The following TOGARAM1 variants were observed in gnomAD, a reference collection of about 807,000 sequenced individuals.
TOGARAM1 encodes the protein TOG array regulator of axonemal microtubules protein 1.
TOGARAM1 carries 100 observed loss-of-function variants against 166.6 expected under a neutral mutation model. The observed-to-expected ratio is 0.60, with a 90% CI of 0.51 to 0.71. The LOEUF is 0.71. Ranked by LOEUF, TOGARAM1 falls within the 30% of genes least tolerant of loss-of-function variation. The probability of loss-of-function intolerance (pLI) is 0.00; values close to 1 mark genes in which losing one functional copy is unlikely to be tolerated. For missense variants in TOGARAM1, 2,029 were observed against 2,102.7 expected, an observed-to-expected ratio of 0.96 and a Z score of 0.69; for synonymous variants, 758 against 763.8, an observed-to-expected ratio of 0.99 and a Z score of 0.13.
intron 3 of TOGARAM1, among the ~76,000 whole-genome samples, chr14:45,002,665 G>A (rs556129743): frequency 6.6e-6 from 1 of 152,270 alleles, no homozygotes; most frequent in African/African-American, 2.4e-5. Flanking sequence ...TAGGATGTTT[G>A]ATTTCTTCAT....
chr14:45,030,509 G>A (rs1242459561), intron 10 of TOGARAM1, among the ~76,000 whole-genome samples: 1 of 151,644 alleles, frequency 6.6e-6, no homozygotes, highest in Non-Finnish European at 1.5e-5. Context: ...TTTTTTATTT[G>A]CTATTCTTTC....
intron 16 of TOGARAM1, among the ~76,000 whole-genome samples, chr14:45,058,925 TTTC>T (rs1882773951): frequency 1.3e-5 from 2 of 152,160 alleles, no homozygotes; most frequent in Non-Finnish European, 2.9e-5. Context: ...AGTTTTATAC[TTTC>T]TTATGTTCTT....
chr14:45,061,830 G>C (rs796595585), intron 16 of TOGARAM1, among the ~76,000 whole-genome samples: 6 of 151,692 alleles, frequency 4.0e-5, no homozygotes, highest in African/African-American at 1.2e-4. Flanking sequence ...GTCTTAGAAT[G>C]TCTTTGGATT....
intron 7 of TOGARAM1, among the ~76,000 whole-genome samples, chr14:45,017,810 G>A (rs941053731): frequency 6.6e-6 from 1 of 152,196 alleles, no homozygotes; most frequent in Admixed American, 6.5e-5. Flanking sequence ...GCTTGAACCC[G>A]GGAGGCGGAG....
At chr14:45,043,915 A>G (rs1409295548) in intron 12 of TOGARAM1, 124 bp downstream of exon 12, 1 of 588,558 alleles carries the variant, frequency 1.7e-6, no homozygotes, top group Non-Finnish European at 3.0e-6. Context: ...GCTTGTATTT[A>G]ATTAAAGTAG....
At chr14:44,969,150 C>CCTTCCTTTCTTTCTTTCTTTTT (rs1566595745) in intron 1 of TOGARAM1, among the ~76,000 whole-genome samples, 1 of 130,052 alleles carries the variant, frequency 7.7e-6, no homozygotes, top group African/African-American at 3.3e-5. Context: ...TCCTTCCTTT[C>CCTTCCTTTCTTTCTTTCTTTTT]TTTCTTTCTT....
intron 9 of TOGARAM1, 42 bp from the exon 10 acceptor site, chr14:45,028,134 A>G: frequency 6.6e-7 from 1 of 1,512,594 alleles, no homozygotes. Context: ...TTTAAATATC[A>G]AAGTCCCTGA....
Position 44,963,423 on chromosome 14 carries a change from C to A in TOGARAM1, c.1002C>A (p.Pro334=), listed in dbSNP as rs760856459. The A allele has an allele frequency of 6.2e-7, 1 of 1,614,170 alleles. No individual in the cohort carries two copies. The highest frequency in any genetic ancestry group is 8.5e-7 in the Non-Finnish European group (1 of 1,180,034). The stretch of plus-strand genomic sequence containing the variant: ...AAGCCTCTGGATTTCCTGAAGATCC[C>A]CTTCCCTGTGCAGTGACTCTTTCCA... ...ELEASGFPED[P]LPCAVTLSNS... The change falls in exon 1 of 20, where the codon CCC becomes CCA. Residue 334 remains proline (P), a synonymous_variant. Transcript: ENST00000361462.
At chr14:45,039,070 C>T (rs1015068732) in intron 11 of TOGARAM1, among the ~76,000 whole-genome samples, 2 of 151,804 alleles carry the variant, frequency 1.3e-5, no homozygotes, top group Admixed American at 6.6e-5. Context: ...GTGGGTAGCT[C>T]CTATCCACAG....
intron 1 of TOGARAM1, among the ~76,000 whole-genome samples, chr14:44,972,194 A>G (rs1055484671): frequency 3.3e-5 from 5 of 151,986 alleles, no homozygotes; most frequent in Admixed American, 2.0e-4. Context: ...ACAAACCCAA[A>G]CCATATCACC....
At chr14:44,995,932 T>C (rs768676790) in intron 2 of TOGARAM1, 30 bp downstream of exon 2, 1 of 1,569,378 alleles carries the variant, frequency 6.4e-7, no homozygotes, top group African/African-American at 1.4e-5. Flanking sequence ...GATGGTCATG[T>C]TGAACTAACA....
chr14:44,985,433 G>A (rs1359182435), intron 1 of TOGARAM1, among the ~76,000 whole-genome samples: 1 of 152,174 alleles, frequency 6.6e-6, no homozygotes, highest in Non-Finnish European at 1.5e-5. Flanking sequence ...TTTCATGGAA[G>A]ATAATTTTTC....
chr14:44,986,899 G>A (rs1229136709), intron 1 of TOGARAM1, among the ~76,000 whole-genome samples: 3 of 150,858 alleles, frequency 2.0e-5, no homozygotes, highest in Admixed American at 1.3e-4. Context: ...CTAGCTCCTC[G>A]GGAGGCTGAG....
intron 1 of TOGARAM1, among the ~76,000 whole-genome samples, chr14:44,969,353 A>G (rs781646857): frequency 6.6e-6 from 1 of 151,584 alleles, no homozygotes; most frequent in African/African-American, 2.4e-5. Context: ...GGATTTCACC[A>G]TGTTGGCCAG....
At position 45,032,269 on chromosome 14, in the gene TOGARAM1, T is replaced by G; in HGVS notation, c.3705T>G (p.Pro1235=). 6.2e-7 allele frequency: 1 copy of G among 1,614,054 alleles called. No individual in the cohort carries two copies. The highest frequency in any genetic ancestry group is 8.5e-7 in the Non-Finnish European group (1 of 1,179,958). Residue 1235 remains proline, a synonymous_variant, in exon 11 of 20, where the codon CCT becomes CCG. Coordinates refer to ENST00000361462, the MANE Select transcript of TOGARAM1 (RefSeq NM_001308120.2). ...GAISQYKERM[P]SVTHSPEIMD... ...TTTCACAGTATAAAGAAAGGATGCC[T>G]TCTGTCACTCATAGTCCAGAAATAA...
At chr14:45,071,622 A>ATT in intron 18 of TOGARAM1, 90 bp from the exon 19 acceptor site, 9 of 772,076 alleles carry the variant, frequency 1.2e-5, no homozygotes, top group Admixed American at 2.9e-5. Flanking sequence ...CCTAGAAGTG[A>ATT]TTTTTTTTTT....
At position 44,969,141 on chromosome 14, in the gene TOGARAM1, CCTTCCTTT is replaced by C. The variant is rs1344344641; in HGVS notation, c.2046+4678_2046+4685del. ...TCCTTCCTTCCTTCCTTCCTTCCTT[CCTTCCTTT>C]CTTTCTTTCTTTTCTTTCTTTTCTT... On this transcript the variant is annotated intron_variant, in intron 1 of 19. Coordinates refer to ENST00000361462, the MANE Select transcript of TOGARAM1 (RefSeq NM_001308120.2). Among the ~76,000 whole-genome samples, 33 of 126,744 alleles carry C rather than the reference CCTTCCTTT, an allele frequency of 2.6e-4. 1 individual carries two copies. The highest frequency in any genetic ancestry group is 7.4e-4 in the South Asian group (3 of 4,032). 83.1% of individuals were successfully genotyped at this position (126,744 alleles called of 152,430 possible).
rs1179106388 is a variant in TOGARAM1 at position 45,009,139 on chromosome 14, G to A, written c.3131G>A (p.Arg1044Lys). Residue 1044 changes from arginine to lysine, a missense_variant, in exon 6 of 20, where the codon AGA (arginine) becomes AAA (lysine). Physicochemically the swap from Arg to Lys is conservative, Grantham distance 26. Coordinates refer to ENST00000361462, the MANE Select transcript of TOGARAM1 (RefSeq NM_001308120.2). ...SSLSTTPQGKRIMSDIFPTFG... is the reference protein window; with the variant it reads ...SSLSTTPQGKKIMSDIFPTFG... ...CTGTCTACAACTCCCCAGGGGAAGA[G>A]AATAATGTATTTTATTTTTTGACGT... 2 of 1,606,304 alleles carry A rather than the reference G, an allele frequency of 1.2e-6. No homozygotes were observed. Among genetic ancestry groups the A allele is most frequent in the African/African-American group, 1.3e-5 (1 of 74,592 alleles).
intron 19 of TOGARAM1, among the ~76,000 whole-genome samples, 162 bp downstream of exon 19, chr14:45,071,960 C>T (rs1883404311): frequency 2.6e-5 from 4 of 152,050 alleles, no homozygotes; most frequent in Admixed American, 2.6e-4. Flanking sequence ...AGACTTTTAC[C>T]CCATACATTA....
Sources: gnomAD v4.1 joint callset for allele counts (sites outside exome capture counted in the v4.1 genomes callset) on GRCh38, gnomAD v4.1.1 for gene constraint, MANE v1.5 for transcripts, NCBI Gene and HGNC (gene_info 2026-07-23, HGNC 2026-07-21) for gene names.